Variants in MAP2K5 observed in about 807,000 individuals in gnomAD.
MAP2K5 encodes the protein mitogen-activated protein kinase kinase 5, also known as dual specificity mitogen-activated protein kinase kinase 5.
Under a neutral mutation model 83.1 loss-of-function variants are expected in MAP2K5, and 49 were observed. The observed-to-expected ratio is 0.59, with a 90% CI of 0.47 to 0.75. The LOEUF (loss-of-function observed/expected upper bound fraction) is 0.75, where lower values mean the gene tolerates loss of function less well. MAP2K5 is among the 30% of genes least tolerant of loss of function. MAP2K5 has a pLI of 0.00. For missense variants in MAP2K5, 457 were observed against 557.5 expected, an observed-to-expected ratio of 0.82 and a Z score of 1.82; for synonymous variants, 202 against 191.8, an observed-to-expected ratio of 1.05 and a Z score of -0.44.
intron 15 of MAP2K5, among the ~76,000 whole-genome samples, chr15:67,700,983 G>GT (rs2088402260): frequency 6.6e-6 from 1 of 151,552 alleles, no homozygotes; most frequent in Admixed American, 6.6e-5. Context: ...GTTTGCATTT[G>GT]TTTTGATATT....
At chr15:67,751,852 A>T (rs1028994105) in intron 19 of MAP2K5, among the ~76,000 whole-genome samples, 3 of 152,122 alleles carry the variant, frequency 2.0e-5, no homozygotes, top group African/African-American at 7.2e-5. Context: ...TTTGGCGCTG[A>T]CATTGATATT....
chr15:67,624,945 A>G (rs140841586), intron 8 of MAP2K5, among the ~76,000 whole-genome samples: 283 of 152,176 alleles, frequency 1.9e-3, no homozygotes, highest in African/African-American at 6.6e-3. Flanking sequence ...ATCACCATCT[A>G]TTTCCTTTAG....
chr15:67,699,188 C>G (rs560609946), intron 15 of MAP2K5, among the ~76,000 whole-genome samples: 1 of 151,508 alleles, frequency 6.6e-6, no homozygotes. Context: ...CAGTGGGCTA[C>G]TCCCAGGACA....
rs1596576703 is a variant in MAP2K5 at position 67,572,391 on chromosome 15, T to C, written c.253-8363T>C. 1.3e-5 allele frequency among the ~76,000 whole-genome samples: 2 copies of C among 152,258 alleles called. No individual in the cohort carries two copies. The highest frequency in any genetic ancestry group is 4.8e-5 in the African/African-American group (2 of 41,538). Reference sequence around the variant, plus strand: ...CTGTTAGTCTGTTTTCATACTGTTATCGGAAAGGGGTCCCAATCCAGACCC... The same window carrying C: ...CTGTTAGTCTGTTTTCATACTGTTACCGGAAAGGGGTCCCAATCCAGACCC... On this transcript the variant is annotated intron_variant, in intron 3 of 21. Coordinates refer to ENST00000178640, the MANE Select transcript of MAP2K5 (RefSeq NM_145160.3). This position sits in a 1 kb window ranked among gnomAD's most constrained non-coding sequence, Gnocchi z 4.2.
At chr15:67,670,842 A>G (rs945608276) in intron 13 of MAP2K5, among the ~76,000 whole-genome samples, 1 of 152,232 alleles carries the variant, frequency 6.6e-6, no homozygotes, top group African/African-American at 2.4e-5. Flanking sequence ...AGTTGCTGTT[A>G]TCATTGGCAC....
chr15:67,685,960 A>G (rs1184608636), intron 13 of MAP2K5, among the ~76,000 whole-genome samples: 1 of 152,230 alleles, frequency 6.6e-6, no homozygotes, highest in Non-Finnish European at 1.5e-5. Flanking sequence ...ATAGCTCTCA[A>G]AGCCTGAGAT....
chr15:67,693,124 G>A lies in MAP2K5; in HGVS notation c.922-394G>A, dbSNP rs867501439. Among the ~76,000 whole-genome samples, 4 of 152,154 alleles carry A rather than the reference G, an allele frequency of 2.6e-5. No homozygotes were observed. In the South Asian group the frequency reaches 6.2e-4, roughly 24 times the overall value. On this transcript the variant is annotated intron_variant, in intron 14 of 21. Coordinates refer to ENST00000178640, the MANE Select transcript of MAP2K5 (RefSeq NM_145160.3). ...TGTCAAAGTCTGTTATCCCTCCAGC[G>A]TATTTAGTGTTCATTTCATTCTAGT...
At position 67,802,345 on chromosome 15, in the gene MAP2K5, G is replaced by A. The variant is rs2090720911; in HGVS notation, c.1243-4301G>A. On this transcript the variant is annotated intron_variant, in intron 21 of 21. Transcript: ENST00000178640. The surrounding 1 kb of genome is among the most constrained non-coding windows in gnomAD (Gnocchi z 5.0). Reference sequence around the variant, plus strand: ...GATATTTTCACCAATGTCCCTCATTGTGCTTCTCAGCCCTGTTGGTGAGGG... The same window carrying A: ...GATATTTTCACCAATGTCCCTCATTATGCTTCTCAGCCCTGTTGGTGAGGG... Among the ~76,000 whole-genome samples the A allele has an allele frequency of 6.6e-6, 1 of 152,184 alleles. No individual in the cohort carries two copies. Among genetic ancestry groups the A allele is most frequent in the South Asian group, 2.1e-4 (1 of 4,822 alleles).
rs771460799 is a variant in MAP2K5 at position 67,748,587 on chromosome 15, T to TGCATTGTTGATGAGGTGAG, written c.1125_1134+9dup. The TGCATTGTTGATGAGGTGAG allele has an allele frequency of 6.2e-7, 1 of 1,614,142 alleles. No individual in the cohort carries two copies. The highest frequency in any genetic ancestry group is 1.3e-5 in the African/African-American group (1 of 75,060). ...ATTGCAGCCTCTCCAGCTTCTGCAG[T>TGCATTGTTGATGAGGTGAG]GCATTGTTGATGAGGTGAGGCATCG... On this transcript the variant is annotated frameshift_variant, in exon 19 of 22. Transcript: ENST00000178640. LOFTEE classifies it high-confidence loss of function. The surrounding 1 kb of genome is among the most constrained non-coding windows in gnomAD (Gnocchi z 4.0).
intron 19 of MAP2K5, among the ~76,000 whole-genome samples, chr15:67,752,693 A>G (rs545443177): frequency 6.6e-6 from 1 of 152,018 alleles, no homozygotes; most frequent in Non-Finnish European, 1.5e-5. Context: ...AAAAAAAAGA[A>G]AAAGAAAGAA....
rs1035026178 is a variant in MAP2K5 at position 67,774,854 on chromosome 15, A to C, written c.1242+2102A>C. ...CAGCATGGGCTGCATGGGCCGCTTC[A>C]AATGTGAGGCCTGCAGGATTGTCAA... On this transcript the variant is annotated intron_variant, in intron 21 of 21. Coordinates refer to ENST00000178640, the MANE Select transcript of MAP2K5 (RefSeq NM_145160.3). This position sits in a 1 kb window ranked among gnomAD's most constrained non-coding sequence, Gnocchi z 4.9. Among the ~76,000 whole-genome samples, 6 of 152,232 alleles carry C rather than the reference A, an allele frequency of 3.9e-5. No individual in the cohort carries two copies. Among genetic ancestry groups the C allele is most frequent in the African/African-American group, 1.2e-4 (5 of 41,466 alleles).
chr15:67,779,369 G>A lies in MAP2K5; in HGVS notation c.1242+6617G>A, dbSNP rs2090289174. Among the ~76,000 whole-genome samples, 1 of 152,222 alleles carries A rather than the reference G, an allele frequency of 6.6e-6. No individual in the cohort carries two copies. The highest frequency in any genetic ancestry group is 2.4e-5 in the African/African-American group (1 of 41,448). ...ACTTGAGATCGCACTAAATCAGACA[G>A]CTTTAATTTGAATTTTTGATGACAC... On this transcript the variant is annotated intron_variant, in intron 21 of 21. Transcript: ENST00000178640. This position sits in a 1 kb window ranked among gnomAD's most constrained non-coding sequence, Gnocchi z 4.6.
rs114284681 is a variant in MAP2K5, at chr15:67,559,645, T to G, written c.185-3638T>G. 0.01 allele frequency among the ~76,000 whole-genome samples: 1,546 copies of G among 152,306 alleles called. 25 individuals carry two copies. The highest frequency in any genetic ancestry group is 0.034 in the African/African-American group (1,424 of 41,558). ...TCTTGCTAGGATTTTTTCCTCCATT[T>G]TAAGTGACATTAACAAAATCTAGCC... On this transcript the variant is annotated intron_variant, in intron 2 of 21. Transcript: ENST00000178640. This position sits in a 1 kb window ranked among gnomAD's most constrained non-coding sequence, Gnocchi z 4.7.
At chr15:67,623,923 C>A (rs1157780277) in intron 8 of MAP2K5, among the ~76,000 whole-genome samples, 1 of 151,158 alleles carries the variant, frequency 6.6e-6, no homozygotes, top group African/African-American at 2.4e-5. Flanking sequence ...ACATTTAATT[C>A]ATTAGTCTTA....
chr15:67,630,867 TG>T lies in MAP2K5; in HGVS notation c.546-20del. 1 of 1,596,560 alleles carries T rather than the reference TG, an allele frequency of 6.3e-7. No homozygotes were observed. Among genetic ancestry groups the T allele is most frequent in the South Asian group, 1.1e-5 (1 of 90,114 alleles). On this transcript the variant is annotated intron_variant, in intron 8 of 21. Transcript: ENST00000178640. ...GTTGTTTAGTGATCCCAAATGATTTTGTTTTTTTTTCTTCCCATAGAGCATA... is the reference window on the plus strand; with the variant it reads ...GTTGTTTAGTGATCCCAAATGATTTTTTTTTTTTTCTTCCCATAGAGCATA...
intron 21 of MAP2K5, among the ~76,000 whole-genome samples, chr15:67,796,465 A>C (rs1267207186): frequency 6.6e-6 from 1 of 152,184 alleles, no homozygotes; most frequent in Non-Finnish European, 1.5e-5. Context: ...TGGCAAAAAT[A>C]TAGGCAAGAG....
At chr15:67,796,261 A>G (rs1051380749) in intron 21 of MAP2K5, among the ~76,000 whole-genome samples, 4 of 152,138 alleles carry the variant, frequency 2.6e-5, no homozygotes, top group African/African-American at 9.7e-5. Context: ...GTATTGCAGT[A>G]AGGTTTCTTT....
At chr15:67,580,671 G>A in intron 3 of MAP2K5, 83 bp from the exon 4 acceptor site, 1 of 857,640 alleles carries the variant, frequency 1.2e-6, no homozygotes, top group South Asian at 1.3e-5. Flanking sequence ...ATTTACAAAA[G>A]TACTGTGAAT....
In MAP2K5 at chr15:67,783,172, C is replaced by A. The variant is rs375132524; in HGVS notation, c.1242+10420C>A. 7.9e-4 allele frequency among the ~76,000 whole-genome samples: 120 copies of A among 152,352 alleles called. 1 individual carries two copies. Among genetic ancestry groups the A allele is most frequent in the Middle Eastern group, 6.8e-3 (2 of 294 alleles). On this transcript the variant is annotated intron_variant, in intron 21 of 21. Transcript: ENST00000178640. This position sits in a 1 kb window ranked among gnomAD's most constrained non-coding sequence, Gnocchi z 5.1. Reference sequence around the variant, plus strand: ...ATCTGCTCTGTGCCCAGCATCCTGCCTGACACCGAGGAGGCAGCATGTCAG... The same window carrying A: ...ATCTGCTCTGTGCCCAGCATCCTGCATGACACCGAGGAGGCAGCATGTCAG...
Sources: allele counts gnomAD v4.1 joint callset (sites outside exome capture counted in the v4.1 genomes callset), GRCh38; gene constraint gnomAD v4.1.1; non-coding constraint Gnocchi (gnomAD v3.1); transcripts MANE v1.5; gene names NCBI Gene and HGNC (gene_info 2026-07-23, HGNC 2026-07-21).